Variants in BRINP3 observed in about 807,000 individuals in gnomAD.
BRINP3 encodes BMP/retinoic acid inducible neural specific 3.
BRINP3 carries 19 observed loss-of-function variants against 71.0 expected under a neutral mutation model. The ratio of observed to expected loss-of-function variants is 0.27; its 90% CI spans 0.19 to 0.39. BRINP3 has a LOEUF of 0.39. Ranked by LOEUF, BRINP3 falls within the 10% of genes least tolerant of loss-of-function variation. The pLI, the probability that BRINP3 is intolerant of heterozygous loss-of-function variation, is 1.00. For missense variants in BRINP3, 959 were observed against 940.8 expected (o/e 1.02, Z -0.25); for synonymous variants, 380 against 337.7 (o/e 1.13, Z -1.37).
Position 190,169,113 on chromosome 1 carries a change from AC to A in BRINP3, c.962-8224del, listed in dbSNP as rs1651801105. On this transcript the variant is annotated intron_variant, in intron 6 of 7. Coordinates refer to ENST00000367462, the MANE Select transcript of BRINP3 (RefSeq NM_199051.3). ...TGAAATGTGAAATATGTAAAAAAAC[AC>A]GACTAGCAGGTATTCTAGCTTCTGG... Among the ~76,000 whole-genome samples, 5 of 152,310 alleles carry A rather than the reference AC, an allele frequency of 3.3e-5. No homozygotes were observed. The South Asian group carries it at 1.0e-3, about 32-fold the overall frequency.
chr1:190,358,962 G>C (rs183752920), intron 2 of BRINP3, among the ~76,000 whole-genome samples: 1 of 151,964 alleles, frequency 6.6e-6, no homozygotes, highest in Admixed American at 6.6e-5. Flanking sequence ...ATTGAACAAC[G>C]AGAACACTTG....
At position 190,098,471 on chromosome 1, in the gene BRINP3, G is replaced by A; in HGVS notation, c.1848C>T (p.Asn616=). The change falls in exon 8 of 8, where the codon AAC becomes AAT. Residue 616 remains asparagine, a synonymous_variant. Transcript: ENST00000367462. The stretch of plus-strand genomic sequence containing the variant: ...CTGTCTCAAAAAATGTCTTCCATTT[G>A]TTCCCCAGAGTTAATGTCCAGTTAT... ...QCYNWTLTLG[N]KWKTFFETVH... The A allele has an allele frequency of 6.2e-7, 1 of 1,614,086 alleles. No homozygotes were observed. The highest frequency in any genetic ancestry group is 2.2e-5 in the East Asian group (1 of 44,878).
chr1:190,227,401 A>G (rs1571421690), intron 5 of BRINP3, among the ~76,000 whole-genome samples: 1 of 151,858 alleles, frequency 6.6e-6, no homozygotes, highest in East Asian at 1.9e-4. Flanking sequence ...TCGATTTCAT[A>G]TTAATTTTCA....
chr1:190,340,922 G>T (rs572978102), intron 2 of BRINP3, among the ~76,000 whole-genome samples: 1 of 151,296 alleles, frequency 6.6e-6, no homozygotes, highest in Non-Finnish European at 1.5e-5. Context: ...TTTTTTCCAA[G>T]AAATACTTTT....
chr1:190,098,929 T>C lies in BRINP3; in HGVS notation c.1390A>G (p.Asn464Asp). Residue 464 changes from asparagine (N) to aspartate (D), a missense_variant, in exon 8 of 8, where the codon AAC becomes GAC. Transcript: ENST00000367462. ...PDNRTRCGTC[N>D]TGYMLSQGLC... ...CCCTGGCTGAGCATGTAGCCGGTGTTGCAGGTGCCGCAGCGGGTGCGGTTG... is the reference window on the plus strand; with the variant it reads ...CCCTGGCTGAGCATGTAGCCGGTGTCGCAGGTGCCGCAGCGGGTGCGGTTG... 1 of 1,614,178 alleles carries C rather than the reference T, an allele frequency of 6.2e-7. No individual in the cohort carries two copies. Among genetic ancestry groups the C allele is most frequent in the Non-Finnish European group, 8.5e-7 (1 of 1,180,030 alleles).
intron 6 of BRINP3, among the ~76,000 whole-genome samples, chr1:190,191,563 T>C (rs1257149439): frequency 1.3e-5 from 2 of 152,168 alleles, no homozygotes; most frequent in Admixed American, 6.6e-5. Context: ...GCTTCATCCA[T>C]GTCACTGCAA....
chr1:190,162,463 T>C (rs1312003100), intron 6 of BRINP3, among the ~76,000 whole-genome samples: 1 of 150,756 alleles, frequency 6.6e-6, no homozygotes, highest in East Asian at 2.0e-4. Context: ...AATTTGATCA[T>C]ATCCTATATT....
At chr1:190,382,309 T>G (rs965398680) in intron 2 of BRINP3, among the ~76,000 whole-genome samples, 1 of 152,160 alleles carries the variant, frequency 6.6e-6, no homozygotes, top group Non-Finnish European at 1.5e-5. Flanking sequence ...GTCACACAAC[T>G]GGGATTTACA....
intron 2 of BRINP3, among the ~76,000 whole-genome samples, chr1:190,381,039 T>A (rs1670514897): frequency 6.6e-6 from 1 of 152,260 alleles, no homozygotes; most frequent in Non-Finnish European, 1.5e-5. Context: ...AAGGTTACAC[T>A]GATAAGTGAT....
intron 7 of BRINP3, among the ~76,000 whole-genome samples, chr1:190,158,013 T>C (rs1226186374): frequency 6.6e-6 from 1 of 152,072 alleles, no homozygotes; most frequent in African/African-American, 2.4e-5. Flanking sequence ...AATGCAAGAA[T>C]AGAAAGCCAA....
intron 6 of BRINP3, among the ~76,000 whole-genome samples, chr1:190,220,169 A>T (rs540318496): frequency 3.9e-5 from 6 of 152,238 alleles, no homozygotes; most frequent in African/African-American, 1.4e-4. Context: ...ACTCCCTAAG[A>T]TCAATGAAAA....
At chr1:190,122,220 A>T (rs1490704386) in intron 7 of BRINP3, among the ~76,000 whole-genome samples, 1 of 152,052 alleles carries the variant, frequency 6.6e-6, no homozygotes, top group African/African-American at 2.4e-5. Flanking sequence ...ACATTTGTTC[A>T]TTTGTACATT....
At chr1:190,283,652 TTAAA>T (rs768427466) in intron 2 of BRINP3, among the ~76,000 whole-genome samples, 7 of 148,400 alleles carry the variant, frequency 4.7e-5, no homozygotes, top group Non-Finnish European at 7.4e-5. Flanking sequence ...ATATATAATA[TTAAA>T]TATAGGATAT....
rs1244683714 is a variant in BRINP3 at position 190,244,646 on chromosome 1, C to T, written c.619-10169G>A. On this transcript the variant is annotated intron_variant, in intron 4 of 7. Transcript: ENST00000367462. ...AAGCAATCTGTCACTGTCAAAATCC[C>T]GACGAACAGTCTTTCCATAAGATTC... 2.6e-5 allele frequency among the ~76,000 whole-genome samples: 4 copies of T among 152,034 alleles called. No individual in the cohort carries two copies. The East Asian group carries it at 5.8e-4, about 22-fold the overall frequency.
intron 2 of BRINP3, among the ~76,000 whole-genome samples, chr1:190,450,457 A>G (rs1338898311): frequency 1.3e-5 from 2 of 152,166 alleles, no homozygotes; most frequent in Non-Finnish European, 2.9e-5. Context: ...TAATTTATAC[A>G]GTATTTTAAT....
At chr1:190,310,765 A>T (rs1412181365) in intron 2 of BRINP3, among the ~76,000 whole-genome samples, 1 of 151,692 alleles carries the variant, frequency 6.6e-6, no homozygotes, top group Non-Finnish European at 1.5e-5. Flanking sequence ...CCTTTTCTCC[A>T]AGGCTTTTAA....
intron 6 of BRINP3, among the ~76,000 whole-genome samples, chr1:190,214,743 T>A (rs1415385595): frequency 6.6e-6 from 1 of 152,102 alleles, no homozygotes; most frequent in Admixed American, 6.6e-5. Flanking sequence ...ACAGCAAACT[T>A]ACAAGGAACA....
chr1:190,395,900 C>CTTCTAACA (rs1671535416), intron 2 of BRINP3, among the ~76,000 whole-genome samples: 1 of 151,612 alleles, frequency 6.6e-6, no homozygotes, highest in African/African-American at 2.4e-5. Context: ...CACAGTATGT[C>CTTCTAACA]CCTTCTAACA....
chr1:190,202,912 G>C (rs993731949), intron 6 of BRINP3, among the ~76,000 whole-genome samples: 1 of 152,046 alleles, frequency 6.6e-6, no homozygotes, highest in Non-Finnish European at 1.5e-5. Context: ...CAGAAGATTA[G>C]TTAACCATGA....
Sources: gnomAD v4.1 joint callset for allele counts (sites outside exome capture counted in the v4.1 genomes callset) on GRCh38, gnomAD v4.1.1 for gene constraint, MANE v1.5 for transcripts, NCBI Gene and HGNC (gene_info 2026-07-23, HGNC 2026-07-21) for gene names.